TRERF1: variants seen among roughly 807,000 people sequenced by gnomAD.
TRERF1 encodes the protein transcriptional-regulating factor 1.
Under a neutral mutation model 122.9 loss-of-function variants are expected in TRERF1, and 27 were observed. The ratio of observed to expected loss-of-function variants is 0.22; its 90% CI spans 0.16 to 0.30. TRERF1 has a LOEUF of 0.30. Among genes scored for constraint, TRERF1 ranks in the 10% least tolerant of loss-of-function variants. The pLI is 1.00. For synonymous variants in TRERF1, 636 were observed against 641.7 expected, an observed-to-expected ratio of 0.99 and a Z score of 0.13; for missense variants, 1,248 against 1,560.3, an observed-to-expected ratio of 0.80 and a Z score of 3.37.
chr6:42,337,361 T>G (rs1766390949), intron 3 of TRERF1, among the ~76,000 whole-genome samples: 1 of 152,212 alleles, frequency 6.6e-6, no homozygotes, highest in Admixed American at 6.5e-5. Flanking sequence ...GCTCAAGTTC[T>G]AATACCGCTC....
chr6:42,409,913 A>AT (rs1391444411), intron 2 of TRERF1, among the ~76,000 whole-genome samples: 2 of 151,924 alleles, frequency 1.3e-5, no homozygotes, highest in Non-Finnish European at 2.9e-5. Context: ...CAACACACCT[A>AT]TTTTTTTACT....
chr6:42,317,818 A>C (rs957623449), intron 3 of TRERF1, among the ~76,000 whole-genome samples: 1 of 152,052 alleles, frequency 6.6e-6, no homozygotes, highest in Non-Finnish European at 1.5e-5. Flanking sequence ...TTGTATACAT[A>C]ATTTTGAATC....
intron 9 of TRERF1, 21 bp from the exon 10 acceptor site, chr6:42,258,222 G>A (rs1429840216): frequency 5.0e-6 from 8 of 1,612,352 alleles, no homozygotes; most frequent in Non-Finnish European, 6.8e-6. Flanking sequence ...AAAATCAGAG[G>A]TCACTAGTCA....
rs576600397 is a variant in TRERF1 at position 42,390,285 on chromosome 6, C to T, written c.-453-27206G>A. ...CAGCCTCTGACATGAATTTGCATAC[C>T]TTTTGCCAAGTTCTGTGTGTGTGGA... On this transcript the variant is annotated intron_variant, in intron 2 of 17. Transcript: ENST00000372922. Among the ~76,000 whole-genome samples, 4 of 152,246 alleles carry T rather than the reference C, an allele frequency of 2.6e-5. No homozygotes were observed. In the South Asian group the frequency reaches 8.3e-4, roughly 32 times the overall value.
intron 4 of TRERF1, among the ~76,000 whole-genome samples, chr6:42,289,466 G>T (rs940654561): frequency 1.3e-5 from 2 of 152,020 alleles, no homozygotes; most frequent in Non-Finnish European, 2.9e-5. Context: ...CATATTCCGG[G>T]CTTTGCTGCC....
chr6:42,424,171 T>G (rs1783264565), intron 2 of TRERF1, among the ~76,000 whole-genome samples: 2 of 152,150 alleles, frequency 1.3e-5, no homozygotes, highest in Admixed American at 6.5e-5. Flanking sequence ...TTATGAAGAG[T>G]GCTACTAGGA....
intron 17 of TRERF1, among the ~76,000 whole-genome samples, chr6:42,230,568 G>A (rs1339936757): frequency 1.3e-5 from 2 of 152,142 alleles, no homozygotes; most frequent in Non-Finnish European, 2.9e-5. Context: ...GGACAAATAA[G>A]CGGGAGATCA....
In TRERF1 at chr6:42,269,373, T is replaced by C. The variant is rs765898225; in HGVS notation, c.218A>G (p.Asn73Ser). The change falls in exon 5 of 18, where the codon AAC becomes AGC. Residue 73 changes from asparagine (N) to serine (S), a missense_variant. Around this residue, in one of 5 missense-constraint regions of TRERF1, gnomAD observed 946 missense variants for 1,073.0 expected, o/e 0.88. Transcript: ENST00000372922. This position sits in a 1 kb window ranked among gnomAD's most constrained non-coding sequence, Gnocchi z 4.9. ...CCTCGAGGTATCCATTTGGCCAAGGTTTTTGGAGCCAACAGGCAAGCCCAG... is the reference window on the plus strand; with the variant it reads ...CCTCGAGGTATCCATTTGGCCAAGGCTTTTGGAGCCAACAGGCAAGCCCAG... The C allele has an allele frequency of 8.1e-6, 13 of 1,614,054 alleles. No homozygotes were observed. Among genetic ancestry groups the C allele is most frequent in the Admixed American group, 3.3e-5 (2 of 60,010 alleles).
At chr6:42,398,745 G>A (rs772039126) in intron 2 of TRERF1, among the ~76,000 whole-genome samples, 11 of 152,236 alleles carry the variant, frequency 7.2e-5, no homozygotes, top group Admixed American at 1.3e-4. Flanking sequence ...TTGGATGGAC[G>A]AATGTATGGG....
intron 3 of TRERF1, among the ~76,000 whole-genome samples, chr6:42,306,186 G>C (rs1787210967): frequency 6.6e-6 from 1 of 151,804 alleles, no homozygotes; most frequent in Non-Finnish European, 1.5e-5. Flanking sequence ...ATTTTTAATA[G>C]AATGGAGGTT....
intron 4 of TRERF1, among the ~76,000 whole-genome samples, chr6:42,282,811 C>CTGAGT (rs1243208307): frequency 7.2e-5 from 11 of 152,200 alleles, no homozygotes; most frequent in Non-Finnish European, 1.3e-4. Flanking sequence ...TTAGTGAATA[C>CTGAGT]TGAGCCACTG....
chr6:42,280,536 G>A (rs1286102546), intron 4 of TRERF1, among the ~76,000 whole-genome samples: 3 of 152,218 alleles, frequency 2.0e-5, no homozygotes, highest in Non-Finnish European at 4.4e-5. Context: ...GGGCAGCCAG[G>A]AAGAAGCCTC....
chr6:42,237,368 A>G (rs1288683535), intron 15 of TRERF1, among the ~76,000 whole-genome samples: 1 of 152,124 alleles, frequency 6.6e-6, no homozygotes, highest in Admixed American at 6.6e-5. Context: ...GCTCTCTCCA[A>G]CCTTCCCAGG....
chr6:42,438,609 C>CAA (rs199739271), intron 2 of TRERF1, among the ~76,000 whole-genome samples: 33 of 106,188 alleles, frequency 3.1e-4, no homozygotes, highest in African/African-American at 6.9e-4. Flanking sequence ...GACTCTGTCT[C>CAA]AAAAAAAAAA....
At chr6:42,307,557 C>A (rs6926065) in intron 3 of TRERF1, among the ~76,000 whole-genome samples, 1 of 152,068 alleles carries the variant, frequency 6.6e-6, no homozygotes, top group Non-Finnish European at 1.5e-5. Context: ...AGTAGAGGAG[C>A]TTTGCAGAAA....
At chr6:42,246,456 C>A in exon 14 of TRERF1, 1 of 1,581,586 alleles carries the variant, frequency 6.3e-7, no homozygotes, top group Non-Finnish European at 8.6e-7. Context: ...TCATGCTTAC[C>A]ATCTTCTGTA....
chr6:42,308,567 G>A (rs1787686391), intron 3 of TRERF1, among the ~76,000 whole-genome samples: 1 of 152,170 alleles, frequency 6.6e-6, no homozygotes, highest in Non-Finnish European at 1.5e-5. Context: ...TGCAGGAAAC[G>A]CCAATGACTT....
chr6:42,305,995 CTTTTTTTTTTT>C (rs55700516), intron 3 of TRERF1, among the ~76,000 whole-genome samples: 6 of 69,498 alleles, frequency 8.6e-5, no homozygotes, highest in East Asian at 5.5e-4. Context: ...AATATCTCTC[CTTTTTTTTTTT>C]TTTTTTTTTT....
At position 42,228,526 on chromosome 6, in the gene TRERF1, G is replaced by A. The variant is rs773652505; in HGVS notation, c.3422C>T (p.Ala1141Val). Residue 1141 changes from alanine (A) to valine (V), a missense_variant, in exon 18 of 18, where the codon GCG becomes GTG. Coordinates refer to ENST00000372922, the Ensembl canonical transcript of TRERF1. The surrounding 1 kb of genome is among the most constrained non-coding windows in gnomAD (Gnocchi z 4.2). The stretch of plus-strand genomic sequence containing the variant: ...CTGGTCCAGGGGCAGCAGCCCCGGC[G>A]CCCCCACGGGCCCCGTAGTCCTCTC... 2.9e-5 allele frequency: 47 copies of A among 1,613,970 alleles called. No individual in the cohort carries two copies. The East Asian group carries it at 4.2e-4, about 15-fold the overall frequency.
Sources: gnomAD v4.1 joint callset for allele counts (sites outside exome capture counted in the v4.1 genomes callset) on GRCh38, gnomAD v4.1.1 for gene constraint, gnomAD v4.1.1 regional missense constraint, Gnocchi (gnomAD v3.1) non-coding constraint, MANE v1.5 for transcripts, NCBI Gene and HGNC (gene_info 2026-07-23, HGNC 2026-07-21) for gene names.